The following ARHGEF9 variants were observed in gnomAD, a reference collection of about 807,000 sequenced individuals.
The protein encoded by ARHGEF9 is rho guanine nucleotide exchange factor 9.
In ARHGEF9, 2 loss-of-function variants were observed where a neutral mutation model predicts 41.3. The ratio of observed to expected loss-of-function variants is 0.05; its 90% confidence interval spans 0.02 to 0.15. ARHGEF9 has a LOEUF of 0.15. ARHGEF9 is among the 10% of genes least tolerant of loss of function. The pLI is 1.00. For synonymous variants in ARHGEF9, 160 were observed against 154.4 expected (o/e 1.04, Z -0.27); for missense variants, 225 against 424.7 (o/e 0.53, Z 4.13).
At chrX:63,756,530 A>G (rs2055933964) in intron 1 of ARHGEF9, among the ~76,000 whole-genome samples, 1 of 112,540 alleles carries the variant, frequency 8.9e-6, no homozygotes, top group African/African-American at 3.2e-5. Context: ...TACAACATAG[A>G]TGAGCTTTGA....
At chrX:63,675,366 G>A (rs1187412972) in intron 5 of ARHGEF9, among the ~76,000 whole-genome samples, 3 of 111,088 alleles carry the variant, frequency 2.7e-5, no homozygotes, top group Non-Finnish European at 5.7e-5. Context: ...ATATCCTCAC[G>A]TTTGCTTTTG....
At chrX:63,666,447 T>TACACACACACACAC (rs1289465150) in intron 6 of ARHGEF9, among the ~76,000 whole-genome samples, 19 of 22,789 alleles carry the variant, frequency 8.3e-4, no homozygotes, top group African/African-American at 2.4e-3. Flanking sequence ...CACATATATA[T>TACACACACACACAC]ATACATACAC....
chrX:63,644,884 GC>G, intron 8 of ARHGEF9, among the ~76,000 whole-genome samples: 1 of 108,583 alleles, frequency 9.2e-6, no homozygotes. Flanking sequence ...TCCAACCTTA[GC>G]CTCCTGAGTA....
At chrX:63,763,378 T>C (rs1313780378) in intron 1 of ARHGEF9, among the ~76,000 whole-genome samples, 1 of 111,093 alleles carries the variant, frequency 9.0e-6, no homozygotes, top group Admixed American at 9.6e-5. Context: ...ATATATTATG[T>C]ATTAATATAT....
chrX:63,704,198 T>C (rs1240445865), intron 3 of ARHGEF9, among the ~76,000 whole-genome samples: 2 of 112,302 alleles, frequency 1.8e-5, no homozygotes, highest in Admixed American at 1.9e-4. Flanking sequence ...GAATAGATTG[T>C]ACTTAATTTT....
intron 2 of ARHGEF9, 151 bp downstream of exon 2, chrX:63,724,381 G>A: frequency 1.7e-6 from 1 of 600,707 alleles, no homozygotes; most frequent in East Asian, 3.6e-5. Flanking sequence ...AGGAAGCCCA[G>A]GTTCTCTGTA....
chrX:63,681,230 A>G (rs1231854772), intron 4 of ARHGEF9, among the ~76,000 whole-genome samples: 1 of 111,765 alleles, frequency 8.9e-6, no homozygotes, highest in African/African-American at 3.3e-5. Context: ...CTAGGGTCCC[A>G]AACTAGGGAT....
chrX:63,722,410 G>GTTT (rs782226432), intron 2 of ARHGEF9, among the ~76,000 whole-genome samples: 3 of 89,361 alleles, frequency 3.4e-5, no homozygotes, highest in Admixed American at 1.2e-4. Flanking sequence ...GTTGTTTTTT[G>GTTT]TTTTTTTTTT....
intron 9 of ARHGEF9, chrX:63,641,754 T>C (rs1378320827): frequency 2.7e-5 from 3 of 112,093 alleles, no homozygotes; most frequent in African/African-American, 6.5e-5. Context: ...CAAAGTATTG[T>C]TGCTGGGTGT....
chrX:63,706,547 C>T, intron 2 of ARHGEF9, 98 bp from the exon 3 acceptor site: 1 of 978,659 alleles, frequency 1.0e-6, no homozygotes, highest in Non-Finnish European at 1.4e-6. Context: ...CTCAGGTATT[C>T]AGAGAACCTT....
Position 63,706,350 on chromosome X carries a change from G to A in ARHGEF9, c.310C>T (p.Leu104=), listed in dbSNP as rs1396737799. 2 of 1,207,143 alleles carry A rather than the reference G, an allele frequency of 1.7e-6. No individual in the cohort carries two copies. Among genetic ancestry groups the A allele is most frequent in the South Asian group, 3.6e-5 (2 of 55,881 alleles). The change falls in exon 3 of 10, where the codon CTA becomes TTA. Residue 104 remains leucine (L), a synonymous_variant. Transcript: ENST00000671741. The part of the protein sequence containing the change: ...NSDCLCLGRP[L]QNRDQMRANV... ...GCCCGCATCTGGTCCCGGTTCTGTA[G>A]TGGCCGCCCCAGACAGAGGCAGTCT...
chrX:63,667,755 C>A (rs1268262960), intron 6 of ARHGEF9, among the ~76,000 whole-genome samples: 4 of 110,934 alleles, frequency 3.6e-5, no homozygotes, highest in African/African-American at 1.3e-4. Context: ...ACTTTAGGCT[C>A]CCGACTTAGC....
In ARHGEF9 at chrX:63,697,320, A is replaced by G; in HGVS notation, c.403-16T>C. 2.5e-6 allele frequency: 3 copies of G among 1,208,263 alleles called. No individual in the cohort carries two copies. Among genetic ancestry groups the G allele is most frequent in the Non-Finnish European group, 3.4e-6 (3 of 892,741 alleles). ...TCAGATAGCCCTGTAGACAAAGAAA[A>G]AGCCTAGGCTGAGGAAGTCCCTGAC... On this transcript the variant is annotated splice_polypyrimidine_tract_variant and intron_variant, in intron 3 of 9. Transcript: ENST00000671741.
At chrX:63,785,077 G>A in intron 1 of ARHGEF9, 39 bp downstream of exon 1, 1 of 1,163,353 alleles carries the variant, frequency 8.6e-7, no homozygotes, top group East Asian at 3.3e-5. Context: ...GGGGGACTGA[G>A]AGGCTCAAGC....
In ARHGEF9 at chrX:63,778,235, C is replaced by A. The variant is rs1437783081; in HGVS notation, c.30+6881G>T. Among the ~76,000 whole-genome samples the A allele has an allele frequency of 3.6e-5, 4 of 112,588 alleles. No individual in the cohort carries two copies. The Admixed American group carries it at 3.7e-4, about 11-fold the overall frequency. ...CCCGCAGGCCCAACATCATGTATAACCTGCCACGGCTTGGGGCTTGTACCC... is the reference window on the plus strand; with the variant it reads ...CCCGCAGGCCCAACATCATGTATAAACTGCCACGGCTTGGGGCTTGTACCC... On this transcript the variant is annotated intron_variant, in intron 1 of 9. Transcript: ENST00000671741.
chrX:63,765,987 A>G (rs184363661), intron 1 of ARHGEF9, among the ~76,000 whole-genome samples: 13 of 112,385 alleles, frequency 1.2e-4, no homozygotes, highest in African/African-American at 4.2e-4. Context: ...GCAGCAGGAA[A>G]TAGGAACCTA....
chrX:63,641,701 G>A (rs1302920227), intron 9 of ARHGEF9: 2 of 112,041 alleles, frequency 1.8e-5, no homozygotes, highest in Non-Finnish European at 3.8e-5. Context: ...CAGTATGGTG[G>A]ATGTGATGGT....
chrX:63,752,918 G>A (rs2055739823), intron 1 of ARHGEF9, among the ~76,000 whole-genome samples: 2 of 111,128 alleles, frequency 1.8e-5, no homozygotes, highest in South Asian at 7.6e-4. Flanking sequence ...GTGTGTAGAT[G>A]TGTATGTGTC....
At chrX:63,659,813 A>G (rs1308993824) in intron 7 of ARHGEF9, among the ~76,000 whole-genome samples, 1 of 111,727 alleles carries the variant, frequency 9.0e-6, no homozygotes, top group Non-Finnish European at 1.9e-5. Flanking sequence ...ACTGTCCTAA[A>G]TGCTCTGCAT....
Sources: allele counts gnomAD v4.1 joint callset (sites outside exome capture counted in the v4.1 genomes callset), GRCh38; gene constraint gnomAD v4.1.1; transcripts MANE v1.5; gene names NCBI Gene and HGNC (gene_info 2026-07-23, HGNC 2026-07-21).